Variants in LYN observed in about 807,000 individuals in gnomAD.
LYN encodes the protein LYN proto-oncogene, Src family tyrosine kinase.
Under a neutral mutation model 65.0 loss-of-function variants are expected in LYN, and 12 were observed. That is an observed-to-expected ratio of 0.18 (90% CI 0.12 to 0.30). The LOEUF is 0.30. Among genes scored for constraint, LYN ranks in the 10% least tolerant of loss-of-function variants. The probability of loss-of-function intolerance (pLI) is 1.00; values close to 1 mark genes in which losing one functional copy is unlikely to be tolerated. For synonymous variants in LYN, 222 were observed against 221.2 expected, an observed-to-expected ratio of 1.00 and a Z score of -0.03; for missense variants, 380 against 623.2, an observed-to-expected ratio of 0.61 and a Z score of 4.16.
At chr8:55,916,780 G>A (rs937311263) in intron 1 of LYN, among the ~76,000 whole-genome samples, 1 of 152,224 alleles carries the variant, frequency 6.6e-6, no homozygotes, top group Admixed American at 6.5e-5. Flanking sequence ...CTGTGTGTGT[G>A]TCAGACAGAA....
Position 56,011,914 on chromosome 8 carries a change from T to A in LYN, c.*1804T>A, listed in dbSNP as rs905266410. ...CACAAGTATTACCCAATATGTTACATGGAGAGGAACTATAAAGAATCCCTA... is the reference window on the plus strand; with the variant it reads ...CACAAGTATTACCCAATATGTTACAAGGAGAGGAACTATAAAGAATCCCTA... On this transcript the variant is annotated 3_prime_UTR_variant, in exon 13 of 13. Coordinates refer to ENST00000519728, the MANE Select transcript of LYN (RefSeq NM_002350.4). 1 of 187,254 alleles carries A rather than the reference T, an allele frequency of 5.3e-6. No individual in the cohort carries two copies. The highest frequency in any genetic ancestry group is 6.2e-5 in the Admixed American group (1 of 16,110). The allele number at this position is 187,254 out of a possible 1,614,324, so 11.6% of individuals were successfully genotyped here.
At chr8:55,963,722 C>T (rs1483096659) in intron 8 of LYN, among the ~76,000 whole-genome samples, 1 of 152,158 alleles carries the variant, frequency 6.6e-6, no homozygotes, top group Non-Finnish European at 1.5e-5. Context: ...TTTTGAAATG[C>T]CCTTCCAAGT....
chr8:55,982,880 C>T (rs1249293143), intron 10 of LYN, among the ~76,000 whole-genome samples: 1 of 152,082 alleles, frequency 6.6e-6, no homozygotes, highest in Non-Finnish European at 1.5e-5. Context: ...CCGCTCCAGC[C>T]CCTACAGCCT....
At chr8:55,912,331 T>A (rs1383488142) in intron 1 of LYN, among the ~76,000 whole-genome samples, 2 of 152,294 alleles carry the variant, frequency 1.3e-5, no homozygotes, top group South Asian at 2.1e-4. Flanking sequence ...AGGAAAGAAA[T>A]CAGGCTTGAA....
At chr8:55,987,139 G>T (rs1249215469) in intron 10 of LYN, among the ~76,000 whole-genome samples, 2 of 151,982 alleles carry the variant, frequency 1.3e-5, no homozygotes, top group Non-Finnish European at 2.9e-5. Flanking sequence ...CTTGCCAGGC[G>T]CTGTGGCTCA....
rs189472226 is a variant in LYN, at chr8:55,997,015, G to A, written c.1051-1331G>A. Among the ~76,000 whole-genome samples the A allele has an allele frequency of 2.6e-5, 4 of 152,054 alleles. No homozygotes were observed. In the East Asian group the frequency reaches 5.8e-4, roughly 22 times the overall value. ...GTCTGTACTAAAAATACAAAAATTC[G>A]CCAGGCATGGTGGTGCGTGCCTGTA... is the stretch of plus-strand genomic sequence containing the variant. On this transcript the variant is annotated intron_variant, in intron 10 of 12. Transcript: ENST00000519728.
chr8:55,955,625 T>C (rs1807084621), intron 8 of LYN, among the ~76,000 whole-genome samples: 1 of 152,224 alleles, frequency 6.6e-6, no homozygotes, highest in Non-Finnish European at 1.5e-5. Flanking sequence ...CCATCTACTT[T>C]CAAAATGTTT....
chr8:55,942,333 ATATATATATGTGTATATATATGTG>A (rs751243342), intron 2 of LYN, among the ~76,000 whole-genome samples: 19 of 128,064 alleles, frequency 1.5e-4, no homozygotes, highest in African/African-American at 2.3e-4. Flanking sequence ...ATATATGTGT[ATATATATATGTGTATATATATGTG>A]TATATATATG....
At chr8:55,900,440 A>T (rs1297407760) in intron 1 of LYN, among the ~76,000 whole-genome samples, 3 of 151,710 alleles carry the variant, frequency 2.0e-5, no homozygotes, top group Non-Finnish European at 4.4e-5. Flanking sequence ...TGATGTGATC[A>T]TTGCTCTCTG....
intron 10 of LYN, among the ~76,000 whole-genome samples, chr8:55,995,625 C>T (rs1808354792): frequency 6.6e-6 from 1 of 152,110 alleles, no homozygotes; most frequent in Non-Finnish European, 1.5e-5. Context: ...GTATGCCAGG[C>T]ATGGCTTCCG....
chr8:55,916,464 C>T (rs1805782572), intron 1 of LYN, among the ~76,000 whole-genome samples: 1 of 152,150 alleles, frequency 6.6e-6, no homozygotes. Context: ...TAATACTGCT[C>T]TGGAAGGGTG....
chr8:55,919,214 A>T (rs1011530440), intron 1 of LYN, among the ~76,000 whole-genome samples: 11 of 152,104 alleles, frequency 7.2e-5, no homozygotes, highest in Non-Finnish European at 7.4e-5. Context: ...GAAATAGGAA[A>T]AGTGAACATG....
At chr8:56,002,604 A>AATT (rs1808548081) in intron 12 of LYN, among the ~76,000 whole-genome samples, 1 of 145,064 alleles carries the variant, frequency 6.9e-6, no homozygotes, top group African/African-American at 2.7e-5. Context: ...CTCCATCTCA[A>AATT]AAATTAAATT....
intron 1 of LYN, among the ~76,000 whole-genome samples, chr8:55,927,292 T>C (rs1288767767): frequency 1.3e-5 from 2 of 152,188 alleles, no homozygotes; most frequent in African/African-American, 2.4e-5. Context: ...CTTTTTAGTG[T>C]CTCCATAGTT....
intron 1 of LYN, among the ~76,000 whole-genome samples, chr8:55,915,913 C>T (rs1184443833): frequency 1.3e-5 from 2 of 152,112 alleles, no homozygotes; most frequent in Non-Finnish European, 2.9e-5. Context: ...TAAGCCTGTA[C>T]TTACTATCAC....
chr8:55,925,315 G>A (rs536332392), intron 1 of LYN, among the ~76,000 whole-genome samples: 6 of 151,746 alleles, frequency 4.0e-5, no homozygotes, highest in Admixed American at 3.9e-4. Context: ...TTGTAGAGAC[G>A]AGTCTCATTA....
At chr8:55,887,208 A>C (rs944522257) in intron 1 of LYN, among the ~76,000 whole-genome samples, 1 of 152,190 alleles carries the variant, frequency 6.6e-6, no homozygotes, top group Non-Finnish European at 1.5e-5. Context: ...TAATCCCAGC[A>C]CTCTGGGAGC....
intron 12 of LYN, among the ~76,000 whole-genome samples, chr8:56,003,280 C>T (rs549505809): frequency 6.6e-6 from 1 of 152,118 alleles, no homozygotes; most frequent in African/African-American, 2.4e-5. Flanking sequence ...CCAGAATGGT[C>T]TCGATCTCCT....
At chr8:55,997,473 G>T (rs1270703021) in intron 10 of LYN, among the ~76,000 whole-genome samples, 1 of 152,136 alleles carries the variant, frequency 6.6e-6, no homozygotes. Context: ...GTTCATAGAT[G>T]GCACCATATA....
Sources: gnomAD v4.1 joint callset for allele counts (sites outside exome capture counted in the v4.1 genomes callset) on GRCh38, gnomAD v4.1.1 for gene constraint, MANE v1.5 for transcripts, NCBI Gene and HGNC (gene_info 2026-07-23, HGNC 2026-07-21) for gene names.